CATSPERB: variants seen among roughly 807,000 people sequenced by gnomAD.
CATSPERB encodes the protein cation channel sperm-associated auxiliary subunit beta.
Under a neutral mutation model 128.3 loss-of-function variants are expected in CATSPERB, and 93 were observed. The observed-to-expected ratio is 0.72, with a 90% CI of 0.61 to 0.86. The LOEUF (loss-of-function observed/expected upper bound fraction) is 0.86, where lower values mean the gene tolerates loss of function less well. Ranked by LOEUF, CATSPERB falls within the 40% of genes least tolerant of loss-of-function variation. The probability of loss-of-function intolerance (pLI) is 0.00; values close to 1 mark genes in which losing one functional copy is unlikely to be tolerated. For synonymous variants in CATSPERB, 381 were observed against 448.8 expected (o/e 0.85, Z 1.91); for missense variants, 1,153 against 1,329.5 (o/e 0.87, Z 2.06).
chr14:91,617,414 G>C (rs1893960591), intron 20 of CATSPERB, among the ~76,000 whole-genome samples, 183 bp downstream of exon 20: 1 of 152,088 alleles, frequency 6.6e-6, no homozygotes, highest in Non-Finnish European at 1.5e-5. Context: ...GTAGGACATA[G>C]ATCTATTTTT....
chr14:91,722,007 G>A (rs1187895637), intron 4 of CATSPERB, among the ~76,000 whole-genome samples: 2 of 152,088 alleles, frequency 1.3e-5, no homozygotes, highest in Non-Finnish European at 2.9e-5. Context: ...TTCAAATCCT[G>A]CCTGGGCAAC....
At chr14:91,587,845 A>C (rs1330775926) in intron 25 of CATSPERB, 133 bp downstream of exon 25, 4 of 654,186 alleles carry the variant, frequency 6.1e-6, no homozygotes, top group Non-Finnish European at 1.1e-5. Context: ...CATATACTTT[A>C]AAGGTATATA....
chr14:91,644,204 A>G (rs2139809359), intron 15 of CATSPERB, among the ~76,000 whole-genome samples: 1 of 127,838 alleles, frequency 7.8e-6, no homozygotes, highest in South Asian at 3.2e-4. Flanking sequence ...AATTTAGTCC[A>G]TTTACATTTA....
Position 91,610,510 on chromosome 14 carries a change from A to T in CATSPERB, c.2568T>A (p.Ser856Arg). The T allele has an allele frequency of 6.8e-6, 11 of 1,613,856 alleles. No individual in the cohort carries two copies. Among genetic ancestry groups the T allele is most frequent in the Non-Finnish European group, 9.3e-6 (11 of 1,180,000 alleles). ...AAGTTTTGATGAGGTTAAAACCCTG[A>T]CTGTCTTTATGAACTCCACTAATCC... ...EDWISGVHKD[S>R]QGFNLIKTLP... The change falls in exon 21 of 27, where the codon AGT (serine) becomes AGA (arginine). Residue 856 changes from serine (S) to arginine (R), a missense_variant. Coordinates refer to ENST00000256343, the MANE Select transcript of CATSPERB (RefSeq NM_024764.4).
chr14:91,708,014 T>C (rs1278906909), intron 6 of CATSPERB, 127 bp downstream of exon 6: 2 of 677,178 alleles, frequency 3.0e-6, no homozygotes, highest in African/African-American at 1.8e-5. Context: ...AGGGTCATGA[T>C]TATCTCCTAT....
At chr14:91,652,398 C>G (rs912562502) in intron 15 of CATSPERB, among the ~76,000 whole-genome samples, 1 of 151,822 alleles carries the variant, frequency 6.6e-6, no homozygotes, top group African/African-American at 2.4e-5. Context: ...GTGGCTCATG[C>G]CTGTAATCCC....
chr14:91,707,489 C>A (rs1160652833), intron 6 of CATSPERB, among the ~76,000 whole-genome samples: 1 of 147,574 alleles, frequency 6.8e-6, no homozygotes, highest in African/African-American at 2.5e-5. Context: ...AAACTACTTA[C>A]TTTTTTGGAA....
At chr14:91,631,434 C>T (rs937673647) in intron 17 of CATSPERB, among the ~76,000 whole-genome samples, 8 of 152,080 alleles carry the variant, frequency 5.3e-5, no homozygotes, top group Admixed American at 1.3e-4. Flanking sequence ...GAGGCCGAGG[C>T]GGGTGGATCA....
At chr14:91,647,720 T>G (rs1402725550) in intron 15 of CATSPERB, among the ~76,000 whole-genome samples, 1 of 152,124 alleles carries the variant, frequency 6.6e-6, no homozygotes, top group African/African-American at 2.4e-5. Flanking sequence ...GGGAAAGGCC[T>G]GCCCCCATGA....
At chr14:91,723,777 T>C (rs1896071824) in intron 3 of CATSPERB, among the ~76,000 whole-genome samples, 1 of 152,174 alleles carries the variant, frequency 6.6e-6, no homozygotes, top group African/African-American at 2.4e-5. Flanking sequence ...TGAATGGTGC[T>C]AGGAATGTAG....
At chr14:91,650,377 C>T (rs1894683288) in intron 15 of CATSPERB, among the ~76,000 whole-genome samples, 1 of 152,064 alleles carries the variant, frequency 6.6e-6, no homozygotes, top group South Asian at 2.1e-4. Context: ...GAAGGAATCA[C>T]CATAATTTGT....
intron 9 of CATSPERB, among the ~76,000 whole-genome samples, chr14:91,692,883 G>C (rs1895495156): frequency 1.3e-5 from 2 of 152,092 alleles, no homozygotes. Context: ...GATCTTTTCT[G>C]CATGTATACA....
chr14:91,619,196 AC>A (rs1401831962), intron 19 of CATSPERB, among the ~76,000 whole-genome samples: 1 of 152,232 alleles, frequency 6.6e-6, no homozygotes, highest in Non-Finnish European at 1.5e-5. Context: ...TAAATTGTAT[AC>A]TAAGATAAAG....
At chr14:91,598,925 C>T (rs190214590) in intron 22 of CATSPERB, among the ~76,000 whole-genome samples, 4 of 150,778 alleles carry the variant, frequency 2.7e-5, no homozygotes, top group Admixed American at 6.6e-5. Flanking sequence ...AACCTGTAAG[C>T]TGTCCTTGTT....
At chr14:91,631,017 C>G (rs192756866) in intron 17 of CATSPERB, among the ~76,000 whole-genome samples, 1 of 152,224 alleles carries the variant, frequency 6.6e-6, no homozygotes, top group East Asian at 1.9e-4. Context: ...GCCTGGAAAG[C>G]TCTTTCATTG....
At chr14:91,604,879 T>A (rs575224756) in intron 22 of CATSPERB, 1 of 1,331,684 alleles carries the variant, frequency 7.5e-7, no homozygotes, top group African/African-American at 1.4e-5. Flanking sequence ...TAGATTTCAT[T>A]CTCTGGTTCT....
Position 91,603,717 on chromosome 14 carries a change from G to A in CATSPERB, c.2709+4577C>T, listed in dbSNP as rs540010512. Among the ~76,000 whole-genome samples, 450 of 152,264 alleles carry A rather than the reference G, an allele frequency of 3.0e-3. 1 individual carries two copies. The highest frequency in any genetic ancestry group is 0.01 in the African/African-American group (423 of 41,546). On this transcript the variant is annotated intron_variant, in intron 22 of 26. Transcript: ENST00000256343. ...AGGGAGTGAGGCAGGAAGAGAGGGA[G>A]GAGGAGCAGGAGGTAGAGAGAGAAG...
intron 14 of CATSPERB, among the ~76,000 whole-genome samples, chr14:91,668,970 C>T (rs1895038720): frequency 6.6e-6 from 1 of 152,206 alleles, no homozygotes; most frequent in African/African-American, 2.4e-5. Context: ...CAATTCCAGA[C>T]ACAATGATTG....
intron 15 of CATSPERB, among the ~76,000 whole-genome samples, chr14:91,645,755 T>G (rs1001795167): frequency 2.4e-4 from 35 of 146,584 alleles, no homozygotes; most frequent in Non-Finnish European, 7.5e-5. Flanking sequence ...GCTTCCCGGC[T>G]GCTTTGTTTA....
Sources: gnomAD v4.1 joint callset for allele counts (sites outside exome capture counted in the v4.1 genomes callset) on GRCh38, gnomAD v4.1.1 for gene constraint, MANE v1.5 for transcripts, NCBI Gene and HGNC (gene_info 2026-07-23, HGNC 2026-07-21) for gene names.